The following RSRC1 variants were observed in gnomAD, a reference collection of about 807,000 sequenced individuals.
RSRC1 encodes serine/Arginine-related protein 53.
Under a neutral mutation model 49.1 loss-of-function variants are expected in RSRC1, and 39 were observed. That is an observed-to-expected ratio of 0.79 (90% CI 0.61 to 1.04). RSRC1 has a LOEUF of 1.04. Among genes scored for constraint, RSRC1 ranks in the 50% least tolerant of loss-of-function variants. The pLI, the probability that RSRC1 is intolerant of heterozygous loss-of-function variation, is 0.00. For synonymous variants in RSRC1, 143 were observed against 130.8 expected (o/e 1.09, Z -0.63); for missense variants, 388 against 402.4 (o/e 0.96, Z 0.31).
intron 3 of RSRC1, among the ~76,000 whole-genome samples, chr3:158,195,132 T>C (rs1455324980): frequency 6.6e-6 from 1 of 152,184 alleles, no homozygotes; most frequent in Non-Finnish European, 1.5e-5. Flanking sequence ...AAAGTGTTGC[T>C]GTTTCTCCAC....
intron 5 of RSRC1, among the ~76,000 whole-genome samples, chr3:158,354,079 C>T (rs1731028666): frequency 7.0e-6 from 1 of 143,870 alleles, no homozygotes; most frequent in South Asian, 2.3e-4. Flanking sequence ...TCACTGCAAC[C>T]TCCCAGGTTC....
intron 4 of RSRC1, among the ~76,000 whole-genome samples, chr3:158,277,700 A>G (rs931543488): frequency 6.6e-6 from 1 of 152,250 alleles, no homozygotes; most frequent in African/African-American, 2.4e-5. Context: ...TGTTACTGAA[A>G]TGGCTTTACT....
chr3:158,181,602 A>C lies in RSRC1; in HGVS notation c.321-21470A>C, dbSNP rs77908963. On this transcript the variant is annotated intron_variant, in intron 3 of 9. Transcript: ENST00000611884. ...TAGATGTTATCATCATAGTTTGAGA[A>C]ATACAAAGCAATGTAAATTTTAACA... 1.7e-4 allele frequency among the ~76,000 whole-genome samples: 26 copies of C among 152,316 alleles called. No homozygotes were observed. The East Asian group carries it at 2.9e-3, about 17-fold the overall frequency.
At chr3:158,164,168 A>G (rs1718404748) in intron 3 of RSRC1, among the ~76,000 whole-genome samples, 1 of 152,168 alleles carries the variant, frequency 6.6e-6, no homozygotes, top group South Asian at 2.1e-4. Flanking sequence ...GTTTTAATTC[A>G]TAAATGAAAC....
chr3:158,161,943 G>A (rs1288030945), intron 3 of RSRC1, among the ~76,000 whole-genome samples: 1 of 152,096 alleles, frequency 6.6e-6, no homozygotes, highest in Non-Finnish European at 1.5e-5. Flanking sequence ...TCGTATCACT[G>A]CACTCCAGCT....
chr3:158,113,774 ATGTT>A (rs1714587345), intron 1 of RSRC1, among the ~76,000 whole-genome samples: 1 of 151,944 alleles, frequency 6.6e-6, no homozygotes, highest in African/African-American at 2.4e-5. Context: ...TTTTTCTCAT[ATGTT>A]TGTTGGCTGC....
chr3:158,337,594 A>G (rs911850809), intron 5 of RSRC1, among the ~76,000 whole-genome samples: 8 of 152,184 alleles, frequency 5.3e-5, no homozygotes, highest in Admixed American at 2.6e-4. Flanking sequence ...TAGAATAATT[A>G]TTAGTTTCCC....
intron 3 of RSRC1, among the ~76,000 whole-genome samples, chr3:158,175,265 G>C (rs556952112): frequency 6.6e-6 from 1 of 151,590 alleles, no homozygotes; most frequent in East Asian, 1.9e-4. Flanking sequence ...CTTCCATTCT[G>C]TGGCTTACCT....
At chr3:158,414,402 G>T (rs1400205862) in intron 6 of RSRC1, among the ~76,000 whole-genome samples, 1 of 151,944 alleles carries the variant, frequency 6.6e-6, no homozygotes, top group African/African-American at 2.4e-5. Flanking sequence ...GCCTGTCGGG[G>T]GTCAGGGAGA....
At chr3:158,238,188 C>T (rs1723348401) in intron 4 of RSRC1, among the ~76,000 whole-genome samples, 1 of 152,108 alleles carries the variant, frequency 6.6e-6, no homozygotes, top group East Asian at 1.9e-4. Context: ...TCAAGGAGAA[C>T]TACAAACCAC....
intron 3 of RSRC1, among the ~76,000 whole-genome samples, chr3:158,180,301 T>C (rs1285295331): frequency 2.0e-5 from 3 of 151,820 alleles, no homozygotes; most frequent in African/African-American, 7.2e-5. Context: ...ATGTTTTCTT[T>C]CTAGAACTTT....
chr3:158,324,651 G>A lies in RSRC1; in HGVS notation c.531+26576G>A, dbSNP rs139924028. 1.1e-3 allele frequency among the ~76,000 whole-genome samples: 170 copies of A among 152,232 alleles called. 2 individuals carry two copies. The highest frequency in any genetic ancestry group is 3.9e-3 in the African/African-American group (164 of 41,536). ...CTATCATTGATGGACATTTGGGTTG[G>A]TTCCAAGTCTTTGCTACTGTGAATA... On this transcript the variant is annotated intron_variant, in intron 5 of 9. Coordinates refer to ENST00000611884, the MANE Select transcript of RSRC1 (RefSeq NM_001271838.2).
At chr3:158,512,680 C>T (rs1346867173) in intron 7 of RSRC1, among the ~76,000 whole-genome samples, 1 of 150,018 alleles carries the variant, frequency 6.7e-6, no homozygotes, top group Non-Finnish European at 1.5e-5. Flanking sequence ...ATGGGGATGG[C>T]ATTGAATCTG....
At chr3:158,281,722 T>C (rs962150368) in intron 4 of RSRC1, among the ~76,000 whole-genome samples, 2 of 152,116 alleles carry the variant, frequency 1.3e-5, no homozygotes, top group African/African-American at 4.8e-5. Flanking sequence ...GTTCTAAGAA[T>C]TGTATAAAGA....
chr3:158,150,881 T>C (rs1366696161), intron 3 of RSRC1, among the ~76,000 whole-genome samples: 1 of 152,216 alleles, frequency 6.6e-6, no homozygotes, highest in Non-Finnish European at 1.5e-5. Flanking sequence ...TAGGATTCTT[T>C]GTAAGGAATT....
chr3:158,328,518 C>G (rs1021428816), intron 5 of RSRC1, among the ~76,000 whole-genome samples: 1 of 152,112 alleles, frequency 6.6e-6, no homozygotes, highest in Non-Finnish European at 1.5e-5. Context: ...GATATGAAAT[C>G]CTGGGTTGAA....
chr3:158,251,262 G>T (rs1204150162), intron 4 of RSRC1, among the ~76,000 whole-genome samples: 1 of 152,166 alleles, frequency 6.6e-6, no homozygotes, highest in East Asian at 1.9e-4. Context: ...GATTCCTCCA[G>T]TTTTGTTCTT....
At chr3:158,451,635 T>C (rs553143003) in intron 6 of RSRC1, among the ~76,000 whole-genome samples, 1 of 152,228 alleles carries the variant, frequency 6.6e-6, no homozygotes, top group Non-Finnish European at 1.5e-5. Flanking sequence ...TCTTTGTTTA[T>C]TATCTCAAAA....
intron 3 of RSRC1, among the ~76,000 whole-genome samples, chr3:158,201,436 A>T (rs1331018408): frequency 6.6e-6 from 1 of 152,146 alleles, no homozygotes; most frequent in Non-Finnish European, 1.5e-5. Context: ...CACCACTGAA[A>T]AAATGTTTTC....
Sources: allele counts gnomAD v4.1 joint callset (sites outside exome capture counted in the v4.1 genomes callset), GRCh38; gene constraint gnomAD v4.1.1; transcripts MANE v1.5; gene names NCBI Gene and HGNC (gene_info 2026-07-23, HGNC 2026-07-21).